The following RBM26 variants were observed in gnomAD, a reference collection of about 807,000 sequenced individuals.
RBM26 encodes RNA binding motif protein 26.
In RBM26, 30 loss-of-function variants were observed where a neutral mutation model predicts 123.6. The ratio of observed to expected loss-of-function variants is 0.24; its 90% CI spans 0.18 to 0.33. The LOEUF (loss-of-function observed/expected upper bound fraction) is 0.33, where lower values mean the gene tolerates loss of function less well. Among genes scored for constraint, RBM26 ranks in the 10% least tolerant of loss-of-function variants. The pLI is 1.00. For synonymous variants in RBM26, 400 were observed against 404.4 expected (o/e 0.99, Z 0.13); for missense variants, 947 against 1,203.6 (o/e 0.79, Z 3.15).
At chr13:79,340,281 A>G (rs1476625736) in intron 18 of RBM26, among the ~76,000 whole-genome samples, 1 of 152,062 alleles carries the variant, frequency 6.6e-6, no homozygotes, top group Non-Finnish European at 1.5e-5. Context: ...TGACTTTCAG[A>G]GAAGACAGAG....
At chr13:79,356,566 A>C (rs902104859) in intron 11 of RBM26, among the ~76,000 whole-genome samples, 3 of 152,138 alleles carry the variant, frequency 2.0e-5, no homozygotes, top group Non-Finnish European at 4.4e-5. Context: ...CTTAGAACAG[A>C]GATTGTACAC....
At chr13:79,374,478 C>T (rs748803101) in intron 3 of RBM26, among the ~76,000 whole-genome samples, 31 of 152,032 alleles carry the variant, frequency 2.0e-4, no homozygotes, top group Admixed American at 1.2e-3. Context: ...TAGACTAAGA[C>T]TCCGTCTCAA....
At chr13:79,398,806 T>C (rs1005853593) in intron 1 of RBM26, among the ~76,000 whole-genome samples, 1 of 152,182 alleles carries the variant, frequency 6.6e-6, no homozygotes, top group Non-Finnish European at 1.5e-5. Context: ...TTCAAATAGC[T>C]CACATATCTG....
exon 5 of RBM26, chr13:79,313,113 T>C (rs1348364961): frequency 6.6e-6 from 1 of 151,898 alleles, no homozygotes; most frequent in African/African-American, 2.4e-5. Context: ...TATGCAATCA[T>C]GCAGAGGAAA....
rs1025946012 is a variant in RBM26 at position 79,377,392 on chromosome 13, A to G, written c.314T>C (p.Ile105Thr). 17 of 1,613,522 alleles carry G rather than the reference A, an allele frequency of 1.1e-5. No individual in the cohort carries two copies. Among genetic ancestry groups the G allele is most frequent in the African/African-American group, 1.3e-5 (1 of 74,910 alleles). Residue 105 changes from isoleucine (I) to threonine (T), a missense_variant, in exon 3 of 22, where the codon ATA (isoleucine) becomes ACA (threonine). Physicochemically the swap from Ile to Thr is moderately conservative, Grantham distance 89. This residue lies in a region of RBM26 where 275 missense variants were observed against 361.0 expected (regional missense o/e 0.76). Coordinates refer to ENST00000438737, the MANE Select transcript of RBM26 (RefSeq NM_001366735.2). ...ACAAATCGTTACCTCTTCCTTCTTT[A>G]TATCTTTTTCTTGGTGTGGAAAAAA... ...VEFFPHQEKDIKKEEITKEEE... is the reference protein window; with the variant it reads ...VEFFPHQEKDTKKEEITKEEE...
At chr13:79,389,033 T>C (rs1417097772) in intron 1 of RBM26, among the ~76,000 whole-genome samples, 1 of 152,196 alleles carries the variant, frequency 6.6e-6, no homozygotes, top group East Asian at 1.9e-4. Flanking sequence ...AGTGACTTCA[T>C]TTAAGATTTT....
At chr13:79,358,919 TTTGACAC>T (rs1357403093) in intron 10 of RBM26, among the ~76,000 whole-genome samples, 5 of 152,216 alleles carry the variant, frequency 3.3e-5, no homozygotes, top group African/African-American at 1.2e-4. Context: ...AAGAATACAT[TTTGACAC>T]TTGAAGAAAG....
At chr13:79,333,766 G>A (rs1193160192) in intron 20 of RBM26, among the ~76,000 whole-genome samples, 2 of 152,104 alleles carry the variant, frequency 1.3e-5, no homozygotes, top group African/African-American at 4.8e-5. Flanking sequence ...TCCTTGGAAA[G>A]ACAATTCAAG....
chr13:79,364,819 A>T (rs2075090338), intron 9 of RBM26, among the ~76,000 whole-genome samples: 1 of 152,202 alleles, frequency 6.6e-6, no homozygotes, highest in Non-Finnish European at 1.5e-5. Context: ...ATTTCTTAAC[A>T]CATGATATCC....
Position 79,319,305 on chromosome 13 carries a change from G to C in RBM26, c.*1316C>G, listed in dbSNP as rs1025111370. 1.0e-6 allele frequency: 1 copy of C among 982,616 alleles called. No homozygotes were observed. Among genetic ancestry groups the C allele is most frequent in the Non-Finnish European group, 1.2e-6 (1 of 827,728 alleles). 60.9% of individuals were successfully genotyped at this position (982,616 alleles called of 1,614,324 possible). A position where few individuals can be genotyped will look rare whatever the true frequency, so the allele number is the denominator to read the frequency against. ...TATCACTATAATCTCAAGAGAGGCA[G>C]AAACACTTGCAATCAAAATGATGAA... On this transcript the variant is annotated 3_prime_UTR_variant, in exon 22 of 22. Coordinates refer to ENST00000438737, the MANE Select transcript of RBM26 (RefSeq NM_001366735.2).
intron 1 of RBM26, among the ~76,000 whole-genome samples, chr13:79,398,009 C>T (rs2078743413): frequency 6.6e-6 from 1 of 152,114 alleles, no homozygotes; most frequent in African/African-American, 2.4e-5. Context: ...TTATTTAATA[C>T]ACACATAAAA....
intron 20 of RBM26, among the ~76,000 whole-genome samples, chr13:79,332,381 A>G (rs892157894): frequency 7.2e-5 from 11 of 152,186 alleles, no homozygotes; most frequent in African/African-American, 2.7e-4. Context: ...AAATTTTTAA[A>G]TTCCTAAACT....
chr13:79,405,693 C>T lies in RBM26; in HGVS notation c.71+11G>A, dbSNP rs779108391. On this transcript the variant is annotated intron_variant, in intron 1 of 21. Coordinates refer to ENST00000438737, the MANE Select transcript of RBM26 (RefSeq NM_001366735.2). ...GCCATCCCTGCAAAGAGATATCCCCCGGATACTCACATGGGCTCGAGAGTC... is the reference window on the plus strand; with the variant it reads ...GCCATCCCTGCAAAGAGATATCCCCTGGATACTCACATGGGCTCGAGAGTC... 1.1e-5 allele frequency: 17 copies of T among 1,573,082 alleles called. No homozygotes were observed. The East Asian group carries it at 3.1e-4, about 29-fold the overall frequency.
chr13:79,354,464 T>C lies in RBM26; in HGVS notation c.1961A>G (p.Gln654Arg). Residue 654 changes from glutamine (Q) to arginine (R), a missense_variant, in exon 13 of 22, where the codon CAG becomes CGG. Coordinates refer to ENST00000438737, the MANE Select transcript of RBM26 (RefSeq NM_001366735.2). ...CTGAGGAAGGTCTGAAGAGGCACTC[T>C]GGGCTTCTGCAGGTTCAATAGTACT... is the stretch of plus-strand genomic sequence containing the variant. ...PSSTIEPAEA[Q>R]SASSDLPQNV... The C allele has an allele frequency of 1.3e-6, 2 of 1,597,538 alleles. No individual in the cohort carries two copies. The highest frequency in any genetic ancestry group is 1.7e-6 in the Non-Finnish European group (2 of 1,169,072).
At chr13:79,371,225 T>A in intron 4 of RBM26, 63 bp from the exon 5 acceptor site, 1 of 1,339,180 alleles carries the variant, frequency 7.5e-7, no homozygotes, top group Non-Finnish European at 1.0e-6. Context: ...AAAAGCTAAT[T>A]AAATGCAAAA....
At chr13:79,405,595 G>T in intron 1 of RBM26, 109 bp downstream of exon 1, 1 of 656,502 alleles carries the variant, frequency 1.5e-6, no homozygotes, top group Non-Finnish European at 2.5e-6. Flanking sequence ...TGGGACCTCC[G>T]TTCACCGCTT....
Position 79,355,356 on chromosome 13 carries a change from G to A in RBM26, c.1718C>T (p.Ala573Val), listed in dbSNP as rs1217205935. 2 of 1,613,450 alleles carry A rather than the reference G, an allele frequency of 1.2e-6. No individual in the cohort carries two copies. The highest frequency in any genetic ancestry group is 1.7e-6 in the Non-Finnish European group (2 of 1,179,676). ...TTCGTATGTTGCAAATTGGATTAGGGCACCTTCAGGATCACCATTATAAGC... is the reference window on the plus strand; with the variant it reads ...TTCGTATGTTGCAAATTGGATTAGGACACCTTCAGGATCACCATTATAAGC... ...QVAYNGDPEG[A>V]LIQFATYEEA... The change falls in exon 12 of 22, where the codon GCC (alanine) becomes GTC (valine). Residue 573 changes from alanine to valine, a missense_variant. Physicochemically the swap from Ala to Val is moderately conservative, Grantham distance 64. Coordinates refer to ENST00000438737, the MANE Select transcript of RBM26 (RefSeq NM_001366735.2).
chr13:79,396,445 C>T (rs1188900673), intron 1 of RBM26, among the ~76,000 whole-genome samples: 1 of 152,088 alleles, frequency 6.6e-6, no homozygotes, highest in Non-Finnish European at 1.5e-5. Context: ...CACAATAAAT[C>T]CTAGTTATTA....
At chr13:79,379,783 A>C (rs1237980886) in intron 1 of RBM26, among the ~76,000 whole-genome samples, 1 of 152,108 alleles carries the variant, frequency 6.6e-6, no homozygotes, top group Non-Finnish European at 1.5e-5. Context: ...AATTCCCCTA[A>C]CCCACAGTGT....
Sources: allele counts gnomAD v4.1 joint callset (sites outside exome capture counted in the v4.1 genomes callset), GRCh38; gene constraint gnomAD v4.1.1; regional missense constraint gnomAD v4.1.1; transcripts MANE v1.5; gene names NCBI Gene and HGNC (gene_info 2026-07-23, HGNC 2026-07-21).